SCP2: variants seen among roughly 807,000 people sequenced by gnomAD.
SCP2 encodes sterol carrier protein 2.
Under a neutral mutation model 71.4 loss-of-function variants are expected in SCP2, and 48 were observed. That is an observed-to-expected ratio of 0.67 (90% CI 0.53 to 0.86). The LOEUF (loss-of-function observed/expected upper bound fraction) is 0.86. Ranked by LOEUF, SCP2 falls within the 40% of genes least tolerant of loss-of-function variation. The probability of loss-of-function intolerance (pLI) is 0.00; values close to 1 mark genes in which losing one functional copy is unlikely to be tolerated. For missense variants in SCP2, 560 were observed against 655.6 expected, an observed-to-expected ratio of 0.85 and a Z score of 1.59; for synonymous variants, 220 against 218.1, an observed-to-expected ratio of 1.01 and a Z score of -0.08.
rs185803874 is a variant in SCP2 at position 53,041,077 on chromosome 1, T to C, written c.1468+2031T>C. ...AGCCTAGGGTAATTTAGAAACACTG[T>C]GGATTGGGACCAGCTCTTTGGAGGG... On this transcript the variant is annotated intron_variant, in intron 14 of 15. Coordinates refer to ENST00000371514, the MANE Select transcript of SCP2 (RefSeq NM_002979.5). Among the ~76,000 whole-genome samples the C allele has an allele frequency of 2.3e-3, 354 of 152,226 alleles. 1 individual carries two copies. Among genetic ancestry groups the C allele is most frequent in the Middle Eastern group, 0.017 (5 of 294 alleles).
chr1:52,984,922 C>T (rs1557586657), intron 10 of SCP2, among the ~76,000 whole-genome samples: 1 of 151,512 alleles, frequency 6.6e-6, no homozygotes, highest in Non-Finnish European at 1.5e-5. Context: ...TCACTGCAAC[C>T]TCCCCTTCTC....
At chr1:52,947,241 T>TA (rs34249724) in intron 2 of SCP2, among the ~76,000 whole-genome samples, 21,723 of 54,376 alleles carry the variant, frequency 0.4, 5,924 homozygotes, top group Non-Finnish European at 0.52. Flanking sequence ...ATGTTGTCCT[T>TA]AAAAAAAAAA....
chr1:53,014,590 A>G (rs1477805671), intron 11 of SCP2, among the ~76,000 whole-genome samples: 1 of 152,234 alleles, frequency 6.6e-6, no homozygotes, highest in African/African-American at 2.4e-5. Context: ...CTTTTAATAC[A>G]TTAAAAATGG....
At chr1:53,006,423 C>T (rs1275854324) in intron 11 of SCP2, among the ~76,000 whole-genome samples, 1 of 152,012 alleles carries the variant, frequency 6.6e-6, no homozygotes, top group Non-Finnish European at 1.5e-5. Context: ...AGACTAACAG[C>T]GGATCTCTCG....
chr1:53,047,794 A>G lies in SCP2; in HGVS notation c.1469-64A>G, dbSNP rs371581901. The G allele has an allele frequency of 4.2e-6, 5 of 1,193,124 alleles. No individual in the cohort carries two copies. In the African/African-American group the frequency reaches 7.5e-5, roughly 18 times the overall value. 73.9% of individuals were successfully genotyped at this position (1,193,124 alleles called of 1,614,324 possible). A position where few individuals can be genotyped will look rare whatever the true frequency, so the allele number is the denominator to read the frequency against. ...TCTGTTGCAGTCAGTGGCTCTTGAC[A>G]AAAATGTATATGTGAAACTGAACAC... On this transcript the variant is annotated intron_variant, in intron 14 of 15. Transcript: ENST00000371514.
intron 2 of SCP2, chr1:52,943,930 A>G: frequency 2.5e-6 from 1 of 402,762 alleles, no homozygotes; most frequent in South Asian, 2.2e-5. Context: ...TGTACTAGCC[A>G]TGGTATAGAG....
At chr1:53,040,537 G>A (rs1663340219) in intron 14 of SCP2, among the ~76,000 whole-genome samples, 1 of 151,966 alleles carries the variant, frequency 6.6e-6, no homozygotes, top group African/African-American at 2.4e-5. Flanking sequence ...TTAACCCCAC[G>A]GTGAAACCCC....
chr1:52,991,476 C>G (rs143645262), intron 11 of SCP2, among the ~76,000 whole-genome samples: 1 of 152,110 alleles, frequency 6.6e-6, no homozygotes, highest in Non-Finnish European at 1.5e-5. Context: ...TCTTGGCTCA[C>G]TGCAACCTCC....
chr1:52,988,883 A>G (rs57357228), intron 11 of SCP2, among the ~76,000 whole-genome samples: 46,952 of 151,214 alleles, frequency 0.31, 11,981 homozygotes, highest in African/African-American at 0.7. Context: ...GTAGAGATGG[A>G]GTTTCACCAT....
chr1:53,043,785 T>G (rs909958009), intron 14 of SCP2, among the ~76,000 whole-genome samples: 7 of 152,228 alleles, frequency 4.6e-5, no homozygotes, highest in African/African-American at 1.7e-4. Context: ...CAGGTCCAAC[T>G]ATCTCAGTTT....
chr1:52,979,752 A>C (rs2150172303), intron 9 of SCP2, among the ~76,000 whole-genome samples: 1 of 152,258 alleles, frequency 6.6e-6, no homozygotes, highest in Non-Finnish European at 1.5e-5. Context: ...GCTCTGAGGA[A>C]TTCTAGGTCC....
At chr1:52,987,794 T>C (rs1659131019) in intron 10 of SCP2, among the ~76,000 whole-genome samples, 4 of 152,196 alleles carry the variant, frequency 2.6e-5, no homozygotes, top group Admixed American at 2.0e-4. Context: ...TAGAGCAATT[T>C]TGGAAGTCAG....
At chr1:52,999,130 G>C (rs779612569) in intron 11 of SCP2, among the ~76,000 whole-genome samples, 5 of 152,180 alleles carry the variant, frequency 3.3e-5, no homozygotes, top group Non-Finnish European at 7.3e-5. Context: ...TTGAGTGGTA[G>C]TCTGAATAGG....
chr1:52,979,270 C>CA (rs1242424300), intron 9 of SCP2, among the ~76,000 whole-genome samples: 3 of 152,112 alleles, frequency 2.0e-5, no homozygotes, highest in African/African-American at 7.2e-5. Context: ...CTCCTAGTCT[C>CA]AAGCAATCCT....
intron 15 of SCP2, 59 bp downstream of exon 15, chr1:53,047,996 C>T (rs559341790): frequency 1.1e-5 from 13 of 1,135,958 alleles, no homozygotes; most frequent in African/African-American, 1.1e-4. Context: ...CTTTCTACTC[C>T]ATCTCCTGAC....
intron 1 of SCP2, among the ~76,000 whole-genome samples, chr1:52,929,880 C>T (rs911394420): frequency 1.3e-5 from 2 of 152,218 alleles, no homozygotes; most frequent in African/African-American, 4.8e-5. Context: ...GCCTCGGACT[C>T]CCAAAGTGCT....
chr1:53,025,071 A>C (rs188448978), intron 12 of SCP2, among the ~76,000 whole-genome samples: 1 of 152,062 alleles, frequency 6.6e-6, no homozygotes, highest in East Asian at 1.9e-4. Flanking sequence ...TCTTCAATTC[A>C]CTATAATCTG....
At chr1:52,996,535 C>T (rs1311194981) in intron 11 of SCP2, among the ~76,000 whole-genome samples, 1 of 152,180 alleles carries the variant, frequency 6.6e-6, no homozygotes, top group African/African-American at 2.4e-5. Flanking sequence ...TTCCATTTCT[C>T]AGCTTCAAGA....
intron 9 of SCP2, among the ~76,000 whole-genome samples, chr1:52,979,000 A>G (rs891678644): frequency 1.3e-5 from 2 of 152,220 alleles, no homozygotes; most frequent in African/African-American, 4.8e-5. Context: ...CATACACACA[A>G]TACACAAAAT....
Sources: allele counts gnomAD v4.1 joint callset (sites outside exome capture counted in the v4.1 genomes callset), GRCh38; gene constraint gnomAD v4.1.1; transcripts MANE v1.5; gene names NCBI Gene and HGNC (gene_info 2026-07-23, HGNC 2026-07-21).